Variants in SERPINB11 observed in about 807,000 individuals in gnomAD.
SERPINB11 encodes serpin B11.
SERPINB11 carries 32 observed loss-of-function variants against 36.7 expected under a neutral mutation model. The ratio of observed to expected loss-of-function variants is 0.87; its 90% CI spans 0.66 to 1.17. The LOEUF (loss-of-function observed/expected upper bound fraction) is 1.17. Among genes scored for constraint, SERPINB11 ranks in the 50% most tolerant of loss-of-function variants. SERPINB11 has a pLI of 0.00. For missense variants in SERPINB11, 528 were observed against 458.4 expected (o/e 1.15, Z -1.39); for synonymous variants, 174 against 168.1 (o/e 1.04, Z -0.27).
chr18:63,723,143 A>G lies in SERPINB11; in HGVS notation c.923A>G (p.Asp308Gly). The G allele has an allele frequency of 6.2e-7, 1 of 1,611,308 alleles. No homozygotes were observed. The highest frequency in any genetic ancestry group is 1.1e-5 in the South Asian group (1 of 90,706). ...NSLLKSLGVT[D>G]LFNQVKADLS... ...CTGTTAAAATCTCTAGGGGTGACAG[A>G]TCTCTTCAACCAGGTCAAAGCTGAT... The change falls in exon 8 of 8, where the codon GAT becomes GGT. Residue 308 changes from aspartate (D) to glycine (G), a missense_variant. Transcript: ENST00000544088.
At chr18:63,703,448 T>C (rs1914291834) in intron 1 of SERPINB11, among the ~76,000 whole-genome samples, 1 of 152,192 alleles carries the variant, frequency 6.6e-6, no homozygotes, top group South Asian at 2.1e-4. Flanking sequence ...TTTCCTCTTA[T>C]AGCTTTAAAA....
At chr18:63,704,092 G>A (rs1304672698) in intron 1 of SERPINB11, among the ~76,000 whole-genome samples, 7 of 152,106 alleles carry the variant, frequency 4.6e-5, no homozygotes, top group African/African-American at 1.7e-4. Context: ...CATAAGTTCT[G>A]CTTCCCTGAA....
chr18:63,716,859 C>G (rs971240417), intron 5 of SERPINB11, among the ~76,000 whole-genome samples: 1 of 151,782 alleles, frequency 6.6e-6, no homozygotes, highest in African/African-American at 2.4e-5. Context: ...TAATACATCC[C>G]TTAAATCTTG....
intron 3 of SERPINB11, among the ~76,000 whole-genome samples, chr18:63,712,209 G>A (rs1184810177): frequency 6.6e-6 from 1 of 152,072 alleles, no homozygotes; most frequent in Non-Finnish European, 1.5e-5. Flanking sequence ...TGAAAGAAAA[G>A]AGAAACGATT....
At chr18:63,709,334 G>A (rs1425870416) in intron 1 of SERPINB11, among the ~76,000 whole-genome samples, 7 of 152,094 alleles carry the variant, frequency 4.6e-5, no homozygotes, top group African/African-American at 7.2e-5. Flanking sequence ...CTGGAAGTGC[G>A]GGCATGGTGG....
chr18:63,705,711 C>T (rs1914355312), intron 1 of SERPINB11: 1 of 152,162 alleles, frequency 6.6e-6, no homozygotes, highest in South Asian at 2.1e-4. Context: ...CTAGTAACTG[C>T]AGGGCTACAA....
Position 63,720,071 on chromosome 18 carries a change from G to C in SERPINB11, c.534G>C (p.Leu178=). 5.0e-6 allele frequency: 8 copies of C among 1,610,148 alleles called. No homozygotes were observed. The highest frequency in any genetic ancestry group is 6.8e-6 in the Non-Finnish European group (8 of 1,176,946). The change falls in exon 6 of 8, where the codon CTG becomes CTC. Residue 178 remains leucine, a synonymous_variant. Transcript: ENST00000544088. The part of the protein sequence containing the change: ...STIDPSSVMV[L]VNAIYFKGQW... ...TTGACCCTTCATCTGTAATGGTCCT[G>C]GTGAATGCCATATATTTCAAAGGAC...
intron 3 of SERPINB11, among the ~76,000 whole-genome samples, chr18:63,712,270 C>G (rs1447280367): frequency 1.3e-5 from 2 of 152,178 alleles, no homozygotes; most frequent in Non-Finnish European, 2.9e-5. Context: ...CTGAATACCC[C>G]ACTAGGATCT....
At chr18:63,718,262 G>A (rs1264606347) in intron 5 of SERPINB11, among the ~76,000 whole-genome samples, 1 of 151,894 alleles carries the variant, frequency 6.6e-6, no homozygotes, top group African/African-American at 2.4e-5. Context: ...GGGTTGCCTT[G>A]CCAAATCTTG....
chr18:63,714,159 G>C (rs965603004), intron 4 of SERPINB11, among the ~76,000 whole-genome samples: 6 of 152,102 alleles, frequency 3.9e-5, no homozygotes, highest in Non-Finnish European at 8.8e-5. Context: ...GTGCCCGGGA[G>C]AGACATCACA....
intron 7 of SERPINB11, among the ~76,000 whole-genome samples, chr18:63,721,583 G>A (rs745642011): frequency 3.9e-5 from 6 of 152,218 alleles, no homozygotes; most frequent in Non-Finnish European, 8.8e-5. Context: ...ACATATGGGT[G>A]ATATAGCCTA....
Position 63,720,923 on chromosome 18 carries a change from C to T in SERPINB11, c.711C>T (p.Pro237=). ...KEPQMQVLEL[P]YVNNKLSMII... is the part of the protein sequence containing the mutation. The stretch of plus-strand genomic sequence containing the variant: ...CGCAGATGCAAGTTCTTGAGCTGCC[C>T]TACGTTAACAACAAATTAAGCATGA... The change falls in exon 7 of 8, where the codon CCC becomes CCT. Residue 237 remains proline (P), a synonymous_variant. Transcript: ENST00000544088. 3 of 1,607,402 alleles carry T rather than the reference C, an allele frequency of 1.9e-6. No homozygotes were observed. The highest frequency in any genetic ancestry group is 2.5e-6 in the Non-Finnish European group (3 of 1,176,966).
rs771887411 is a variant in SERPINB11 at position 63,723,392 on chromosome 18, C to A, written c.1172C>A (p.Ser391Tyr). ...ATCCTATTCTGTGGCAAGCTTGCCT[C>A]TCCCTAATCAGATGGGGTTGAGCAA... ...NTILFCGKLA[S>Y]P is the part of the protein sequence containing the mutation. Residue 391 changes from serine to tyrosine, a missense_variant, in exon 8 of 8, where the codon TCT (serine) becomes TAT (tyrosine). Coordinates refer to ENST00000544088, the MANE Select transcript of SERPINB11 (RefSeq NM_001370475.1). 4 of 1,600,422 alleles carry A rather than the reference C, an allele frequency of 2.5e-6. No homozygotes were observed. Among genetic ancestry groups the A allele is most frequent in the Non-Finnish European group, 3.4e-6 (4 of 1,171,214 alleles).
chr18:63,715,947 A>C (rs8087185), intron 4 of SERPINB11, 88 bp from the exon 5 acceptor site: 352,897 of 735,962 alleles, frequency 0.48, 88,181 homozygotes, highest in Non-Finnish European at 0.54. Flanking sequence ...TTTTCTCTGC[A>C]TTAGAATTTT....
chr18:63,710,726 A>T (rs1014204146), intron 2 of SERPINB11, among the ~76,000 whole-genome samples: 1 of 152,228 alleles, frequency 6.6e-6, no homozygotes, highest in Non-Finnish European at 1.5e-5. Context: ...GACATTACCA[A>T]GTTAAAAAAT....
chr18:63,710,481 A>G, intron 2 of SERPINB11, 120 bp downstream of exon 2: 1 of 706,058 alleles, frequency 1.4e-6, no homozygotes, highest in Non-Finnish European at 2.2e-6. Flanking sequence ...GAGAAAAAAC[A>G]CATTGAATAA....
In SERPINB11 at chr18:63,723,308, C is replaced by T. The variant is rs1428809944; in HGVS notation, c.1088C>T (p.Ala363Val). 6 of 1,613,946 alleles carry T rather than the reference C, an allele frequency of 3.7e-6. No individual in the cohort carries two copies. Among genetic ancestry groups the T allele is most frequent in the Non-Finnish European group, 5.1e-6 (6 of 1,179,854 alleles). Residue 363 changes from alanine (A) to valine (V), a missense_variant, in exon 8 of 8, where the codon GCT becomes GTT. Transcript: ENST00000544088. ...GCTGTAAAAAGCCTACCAATGAGAGCTCAGTTCAAGGCGAACCACCCCTTC... is the reference window on the plus strand; with the variant it reads ...GCTGTAAAAAGCCTACCAATGAGAGTTCAGTTCAAGGCGAACCACCCCTTC... ...SIAVKSLPMR[A>V]QFKANHPFLF...
At position 63,723,001 on chromosome 18, in the gene SERPINB11, A is replaced by G. The variant is rs777229713; in HGVS notation, c.781A>G (p.Lys261Glu). The G allele has an allele frequency of 1.3e-6, 2 of 1,568,044 alleles. No homozygotes were observed. Among genetic ancestry groups the G allele is most frequent in the Non-Finnish European group, 1.7e-6 (2 of 1,161,164 alleles). Residue 261 changes from lysine (K) to glutamate (E), a missense_variant, in exon 8 of 8, where the codon AAG becomes GAG. Lys to Glu is a moderately conservative substitution (Grantham distance 56). Coordinates refer to ENST00000544088, the MANE Select transcript of SERPINB11 (RefSeq NM_001370475.1). Reference sequence around the variant, plus strand: ...TCTGTGTTTTGTCTCTTAGATAGAAAAGCAGCTGAATTCGGGGACGTTTCA... The same window carrying G: ...TCTGTGTTTTGTCTCTTAGATAGAAGAGCAGCTGAATTCGGGGACGTTTCA... ...VGIANLKQIEKQLNSGTFHEW... is the reference protein window; with the variant it reads ...VGIANLKQIEEQLNSGTFHEW...
Position 63,723,282 on chromosome 18 carries a change from C to T in SERPINB11, c.1062C>T (p.Ile354=), listed in dbSNP as rs367886123. The T allele has an allele frequency of 4.3e-6, 7 of 1,613,830 alleles. No individual in the cohort carries two copies. The highest frequency in any genetic ancestry group is 2.2e-5 in the East Asian group (1 of 44,886). The change falls in exon 8 of 8, where the codon ATC becomes ATT. Residue 354 remains isoleucine (I), a synonymous_variant. Coordinates refer to ENST00000544088, the MANE Select transcript of SERPINB11 (RefSeq NM_001370475.1). ...CAGCAGCAGCCACTGGGGACAGCAT[C>T]GCTGTAAAAAGCCTACCAATGAGAG... is the stretch of plus-strand genomic sequence containing the variant. ...TEAAAATGDS[I]AVKSLPMRAQ... is the part of the protein sequence containing the mutation.
Sources: allele counts gnomAD v4.1 joint callset (sites outside exome capture counted in the v4.1 genomes callset), GRCh38; gene constraint gnomAD v4.1.1; transcripts MANE v1.5; gene names NCBI Gene and HGNC (gene_info 2026-07-23, HGNC 2026-07-21).